ALKBH5: variants seen among roughly 807,000 people sequenced by gnomAD.
ALKBH5 encodes RNA demethylase ALKBH5.
ALKBH5 carries 2 observed loss-of-function variants against 32.1 expected under a neutral mutation model. The ratio of observed to expected loss-of-function variants is 0.06; its 90% CI spans 0.03 to 0.20. The LOEUF (loss-of-function observed/expected upper bound fraction) is 0.20, where lower values mean the gene tolerates loss of function less well. Among genes scored for constraint, ALKBH5 ranks in the 10% least tolerant of loss-of-function variants. ALKBH5 has a pLI of 1.00. For synonymous variants in ALKBH5, 300 were observed against 231.7 expected, an observed-to-expected ratio of 1.29 and a Z score of -2.68; for missense variants, 352 against 559.5, an observed-to-expected ratio of 0.63 and a Z score of 3.74.
intron 3 of ALKBH5, among the ~76,000 whole-genome samples, chr17:18,207,862 G>T (rs1240021765): frequency 6.6e-6 from 1 of 152,098 alleles, no homozygotes; most frequent in Non-Finnish European, 1.5e-5. Context: ...GTGTTGGGAG[G>T]CCCAAGAGAG....
intron 2 of ALKBH5, among the ~76,000 whole-genome samples, chr17:18,197,988 G>C (rs2047213858): frequency 6.6e-6 from 1 of 152,102 alleles, no homozygotes; most frequent in Non-Finnish European, 1.5e-5. Context: ...TTGTGCCTGG[G>C]CTCTTGTGGC....
Position 18,209,690 on chromosome 17 carries a change from CT to C in ALKBH5, c.*1297del, listed in dbSNP as rs1391243658. ...CCTCCCAGCAACCAGGATACCACCA[CT>C]TTGGGGGCTTTGTGTACAGAGGTCC... On this transcript the variant is annotated 3_prime_UTR_variant, in exon 4 of 4. Transcript: ENST00000399138. 6.6e-6 allele frequency: 1 copy of C among 152,370 alleles called. No homozygotes were observed. The highest frequency in any genetic ancestry group is 2.4e-5 in the African/African-American group (1 of 41,448). 9.4% of individuals were successfully genotyped at this position (152,370 alleles called of 1,614,324 possible). A position where few individuals can be genotyped will look rare whatever the true frequency, so the allele number is the denominator to read the frequency against.
chr17:18,198,228 CCT>C (rs1471802094), intron 2 of ALKBH5, among the ~76,000 whole-genome samples: 1 of 152,192 alleles, frequency 6.6e-6, no homozygotes, highest in East Asian at 1.9e-4. Flanking sequence ...TACACACACC[CCT>C]GTTTGGACTG....
At position 18,206,857 on chromosome 17, in the gene ALKBH5, C is replaced by T. The variant is rs372890454; in HGVS notation, c.894C>T (p.Ser298=). The T allele has an allele frequency of 3.0e-4, 477 of 1,614,126 alleles. No individual in the cohort carries two copies. The highest frequency in any genetic ancestry group is 3.9e-4 in the Non-Finnish European group (462 of 1,180,042). ...DAPRLETKSL[S]SSVLPPSYAS... ...CCCGGTTGGAAACAAAGTCCCTGAG[C>T]AGCTCCGTGTTACCACCCAGCTATG... Residue 298 remains serine (S), a synonymous_variant, in exon 3 of 4, where the codon AGC becomes AGT. Transcript: ENST00000399138.
At chr17:18,197,841 A>G (rs563046537) in intron 2 of ALKBH5, among the ~76,000 whole-genome samples, 1 of 152,346 alleles carries the variant, frequency 6.6e-6, no homozygotes, top group Non-Finnish European at 1.5e-5. Flanking sequence ...GCTGGAGTGC[A>G]GAAGCACAGA....
intron 1 of ALKBH5, among the ~76,000 whole-genome samples, chr17:18,187,789 T>G (rs748348418): frequency 1.6e-4 from 24 of 152,132 alleles, no homozygotes; most frequent in Admixed American, 4.6e-4. Context: ...TGATGAGCAG[T>G]AAAGCTGCAG....
intron 2 of ALKBH5, among the ~76,000 whole-genome samples, chr17:18,200,950 G>A (rs2047233024): frequency 6.6e-6 from 1 of 152,234 alleles, no homozygotes; most frequent in Admixed American, 6.5e-5. Flanking sequence ...TGGGGTGAGG[G>A]ATTTGCATGT....
intron 3 of ALKBH5, 151 bp from the exon 4 acceptor site, chr17:18,208,068 C>T: frequency 1.3e-6 from 1 of 775,448 alleles, no homozygotes; most frequent in South Asian, 2.1e-5. Flanking sequence ...TGGGCAAGAA[C>T]CTCCGATACC....
intron 1 of ALKBH5, among the ~76,000 whole-genome samples, chr17:18,186,493 C>T (rs1321640982): frequency 1.3e-5 from 2 of 152,124 alleles, no homozygotes; most frequent in Non-Finnish European, 2.9e-5. Context: ...AGTCATTGGC[C>T]CTCAGGGTGG....
rs746103468 is a variant in ALKBH5, at chr17:18,184,360, C to A, written c.117C>A (p.Ala39=). 9.3e-5 allele frequency: 141 copies of A among 1,516,500 alleles called. No homozygotes were observed. Among genetic ancestry groups the A allele is most frequent in the Non-Finnish European group, 1.1e-4 (123 of 1,135,256 alleles). The allele number at this position is 1,516,500 out of a possible 1,614,324, so 93.9% of individuals were successfully genotyped here. A position where few individuals can be genotyped will look rare whatever the true frequency, so the allele number is the denominator to read the frequency against. Residue 39 remains alanine (A), a synonymous_variant, in exon 1 of 4, where the codon GCC becomes GCA. Coordinates refer to ENST00000399138, the MANE Select transcript of ALKBH5 (RefSeq NM_017758.4). The part of the protein sequence containing the change: ...EAAAAAAAAV[A]AAAAAAAAAE... ...CCGCCGCTGCCGCAGCCGCCGTAGC[C>A]GCCGCAGCCGCAGCCGCCGCTGCCG...
chr17:18,208,797 C>G lies in ALKBH5; in HGVS notation c.*401C>G, dbSNP rs1422696929. On this transcript the variant is annotated 3_prime_UTR_variant, in exon 4 of 4. Transcript: ENST00000399138. ...GTGTAAATCTTCGCAGTGTTCTAAACAAAGTTCAGTCTTCTGCTCGCCCCT... is the reference window on the plus strand; with the variant it reads ...GTGTAAATCTTCGCAGTGTTCTAAAGAAAGTTCAGTCTTCTGCTCGCCCCT... 3.1e-6 allele frequency: 1 copy of G among 325,454 alleles called. No homozygotes were observed. 20.2% of individuals were successfully genotyped at this position (325,454 alleles called of 1,614,324 possible). A position where few individuals can be genotyped will look rare whatever the true frequency, so the allele number is the denominator to read the frequency against.
At chr17:18,188,917 AC>A (rs2047156207) in intron 1 of ALKBH5, among the ~76,000 whole-genome samples, 1 of 151,914 alleles carries the variant, frequency 6.6e-6, no homozygotes, top group African/African-American at 2.4e-5. Context: ...AAATACAAAA[AC>A]TAGCCGGGCA....
intron 1 of ALKBH5, among the ~76,000 whole-genome samples, 164 bp downstream of exon 1, chr17:18,185,177 C>A (rs541343970): frequency 6.6e-6 from 1 of 152,110 alleles, no homozygotes; most frequent in African/African-American, 2.4e-5. Context: ...GTTTAAGATA[C>A]CTATAGCAAG....
rs2047197897 is a variant in ALKBH5, at chr17:18,195,152, G to A, written c.851+117G>A. 7 of 741,814 alleles carry A rather than the reference G, an allele frequency of 9.4e-6. No individual in the cohort carries two copies. In the East Asian group the frequency reaches 1.9e-4, roughly 21 times the overall value. 46.0% of individuals were successfully genotyped at this position (741,814 alleles called of 1,614,324 possible). A position where few individuals can be genotyped will look rare whatever the true frequency, so the allele number is the denominator to read the frequency against. The stretch of plus-strand genomic sequence containing the variant: ...CAGTGGCATGGCAGAGTGGAGAGCA[G>A]AACTGTTAAGTTCTCTTTTTATTTG... On this transcript the variant is annotated intron_variant, in intron 2 of 3. Coordinates refer to ENST00000399138, the MANE Select transcript of ALKBH5 (RefSeq NM_017758.4).
At position 18,183,945 on chromosome 17, in the gene ALKBH5, C is replaced by G; in HGVS notation, c.-299C>G. On this transcript the variant is annotated 5_prime_UTR_variant, in exon 1 of 4. Coordinates refer to ENST00000399138, the MANE Select transcript of ALKBH5 (RefSeq NM_017758.4). Reference sequence around the variant, plus strand: ...TCCGAGGGTCTGGTCGGGAGTCGGGCCGCGTCTCCGCAGCAGCCCTCCGCG... The same window carrying G: ...TCCGAGGGTCTGGTCGGGAGTCGGGGCGCGTCTCCGCAGCAGCCCTCCGCG... The G allele has an allele frequency of 1.7e-6, 1 of 590,286 alleles. No individual in the cohort carries two copies. The highest frequency in any genetic ancestry group is 3.1e-6 in the Non-Finnish European group (1 of 317,932). The allele number at this position is 590,286 out of a possible 1,614,324, so 36.6% of individuals were successfully genotyped here. A position where few individuals can be genotyped will look rare whatever the true frequency, so the allele number is the denominator to read the frequency against.
chr17:18,191,604 A>G (rs866473426), intron 1 of ALKBH5, among the ~76,000 whole-genome samples: 65 of 152,180 alleles, frequency 4.3e-4, no homozygotes, highest in Non-Finnish European at 1.3e-4. Context: ...AGCCAAGTCA[A>G]ACAGATTGAT....
At chr17:18,192,533 C>G (rs1392178746) in intron 1 of ALKBH5, among the ~76,000 whole-genome samples, 5 of 152,226 alleles carry the variant, frequency 3.3e-5, no homozygotes, top group Admixed American at 3.3e-4. Context: ...ACCTACTGTT[C>G]TCCTTATTAC....
At chr17:18,186,268 C>A (rs2047138630) in intron 1 of ALKBH5, among the ~76,000 whole-genome samples, 1 of 152,204 alleles carries the variant, frequency 6.6e-6, no homozygotes, top group Non-Finnish European at 1.5e-5. Flanking sequence ...CAGATGCCTT[C>A]TTATAATGGG....
intron 2 of ALKBH5, chr17:18,206,610 C>A: frequency 1.7e-6 from 1 of 598,036 alleles, no homozygotes; most frequent in South Asian, 2.1e-5. Context: ...CCATTCCTTA[C>A]TCCTAAAGGT....
Sources: gnomAD v4.1 joint callset for allele counts (sites outside exome capture counted in the v4.1 genomes callset) on GRCh38, gnomAD v4.1.1 for gene constraint, MANE v1.5 for transcripts, NCBI Gene and HGNC (gene_info 2026-07-23, HGNC 2026-07-21) for gene names.